Variants in BFSP2 observed in about 807,000 individuals in gnomAD.
BFSP2 encodes the protein beaded filament structural protein 2.
BFSP2 carries 38 observed loss-of-function variants against 44.9 expected under a neutral mutation model. That is an observed-to-expected ratio of 0.85 (90% CI 0.65 to 1.11). The LOEUF is 1.11. Among genes scored for constraint, BFSP2 ranks in the 50% least tolerant of loss-of-function variants. The probability of loss-of-function intolerance (pLI) is 0.00; values close to 1 mark genes in which losing one functional copy is unlikely to be tolerated. For synonymous variants in BFSP2, 197 were observed against 209.9 expected (o/e 0.94, Z 0.53); for missense variants, 525 against 533.0 (o/e 0.99, Z 0.15).
chr3:133,443,165 T>C (rs2073862267), intron 1 of BFSP2, among the ~76,000 whole-genome samples: 1 of 152,078 alleles, frequency 6.6e-6, no homozygotes, highest in Non-Finnish European at 1.5e-5. Context: ...CGGCCAAAAT[T>C]ATCTAGATTT....
rs1045324984 is a variant in BFSP2, at chr3:133,450,183, G to C, written c.730-120G>C. The C allele has an allele frequency of 7.8e-5, 88 of 1,128,658 alleles. 2 individuals are homozygous for C. Among genetic ancestry groups the C allele is most frequent in the Non-Finnish European group, 1.1e-4 (82 of 764,222 alleles). The allele number at this position is 1,128,658 out of a possible 1,614,324, so 69.9% of individuals were successfully genotyped here. On this transcript the variant is annotated intron_variant, in intron 3 of 6. Transcript: ENST00000302334. ...GACTTTCCCAGTCTCTGTGAAGCCT[G>C]TGTCTGGCAGTTGTGGAATGAGAAA...
At chr3:133,412,685 C>G (rs879568422) in intron 1 of BFSP2, 16 of 152,464 alleles carry the variant, frequency 1.0e-4, no homozygotes, top group Admixed American at 9.8e-4. Context: ...GGCCACTGCT[C>G]TGTCTCCCTC....
At chr3:133,472,804 T>A (rs2074177540) in intron 6 of BFSP2, among the ~76,000 whole-genome samples, 1 of 152,318 alleles carries the variant, frequency 6.6e-6, no homozygotes, top group South Asian at 2.1e-4. Context: ...TGTATGTATA[T>A]ATACACACAT....
chr3:133,418,183 G>T lies in BFSP2; in HGVS notation c.489+17611G>T, dbSNP rs150847775. On this transcript the variant is annotated intron_variant, in intron 1 of 6. Coordinates refer to ENST00000302334, the MANE Select transcript of BFSP2 (RefSeq NM_003571.4). The stretch of plus-strand genomic sequence containing the variant: ...TCTCCCCTCTCTTCCCACCTCCTCA[G>T]CTCCTACTGCTAGCCCTACTGCCCA... Among the ~76,000 whole-genome samples, 25 of 151,074 alleles carry T rather than the reference G, an allele frequency of 1.7e-4. No individual in the cohort carries two copies. In the East Asian group the frequency reaches 4.7e-3, roughly 28 times the overall value.
chr3:133,454,236 C>T (rs1393369872), intron 4 of BFSP2, among the ~76,000 whole-genome samples: 1 of 152,166 alleles, frequency 6.6e-6, no homozygotes, highest in Non-Finnish European at 1.5e-5. Context: ...AGGAGGATTG[C>T]TTGAGGCCAA....
At chr3:133,429,459 T>C (rs2073686931) in intron 1 of BFSP2, 1 of 152,204 alleles carries the variant, frequency 6.6e-6, no homozygotes, top group Admixed American at 6.5e-5. Context: ...CAGTCTTTGC[T>C]CTGTTAAATC....
At chr3:133,461,480 C>T (rs2074063277) in intron 4 of BFSP2, among the ~76,000 whole-genome samples, 1 of 152,128 alleles carries the variant, frequency 6.6e-6, no homozygotes, top group Admixed American at 6.6e-5. Context: ...ATCACACACC[C>T]TAACAACTGC....
At position 133,465,191 on chromosome 3, in the gene BFSP2, G is replaced by C. The variant is rs374398242; in HGVS notation, c.892-1637G>C. On this transcript the variant is annotated intron_variant, in intron 4 of 6. Coordinates refer to ENST00000302334, the MANE Select transcript of BFSP2 (RefSeq NM_003571.4). ...CTGGCTAATTTTTGTATTTTTAGTA[G>C]AGACGGGTTTTCACCATATTGGTCA... 9.2e-5 allele frequency among the ~76,000 whole-genome samples: 14 copies of C among 151,994 alleles called. No individual in the cohort carries two copies. In the East Asian group the frequency reaches 9.7e-4, roughly 11 times the overall value.
At chr3:133,445,627 A>T (rs2073890064) in intron 1 of BFSP2, 1 of 152,350 alleles carries the variant, frequency 6.6e-6, no homozygotes, top group Non-Finnish European at 1.5e-5. Flanking sequence ...TATACTGAAC[A>T]TGTGGGCTTT....
intron 1 of BFSP2, among the ~76,000 whole-genome samples, chr3:133,406,054 G>A (rs941470821): frequency 8.6e-5 from 13 of 151,710 alleles, no homozygotes; most frequent in South Asian, 2.1e-4. Context: ...GGGTTTAAGC[G>A]ATTCTCCTGC....
intron 1 of BFSP2, among the ~76,000 whole-genome samples, chr3:133,424,216 T>TGTGGGTGTGTGTGTGTGTGTGTGTGTG (rs1559963358): frequency 2.0e-5 from 1 of 49,416 alleles, no homozygotes; most frequent in Non-Finnish European, 3.5e-5. Context: ...CAGCTAATTT[T>TGTGGGTGTGTGTGTGTGTGTGTGTGTG]TTTTTTTTTT....
At chr3:133,422,255 G>T (rs187063494) in intron 1 of BFSP2, among the ~76,000 whole-genome samples, 4 of 152,260 alleles carry the variant, frequency 2.6e-5, no homozygotes, top group Admixed American at 6.5e-5. Flanking sequence ...TGTGACCTTG[G>T]ACAAGTTACT....
intron 1 of BFSP2, among the ~76,000 whole-genome samples, chr3:133,446,111 CT>C (rs986305565): frequency 6.6e-6 from 1 of 152,128 alleles, no homozygotes; most frequent in Non-Finnish European, 1.5e-5. Context: ...AAATGATTAG[CT>C]TTGCTAGTGG....
At chr3:133,420,362 G>C (rs2073581492) in intron 1 of BFSP2, among the ~76,000 whole-genome samples, 2 of 152,158 alleles carry the variant, frequency 1.3e-5, no homozygotes, top group Admixed American at 1.3e-4. Context: ...AATGAAGCAG[G>C]CATAGAGCTG....
chr3:133,412,636 G>A (rs1388471479), intron 1 of BFSP2: 1 of 152,342 alleles, frequency 6.6e-6, no homozygotes, highest in African/African-American at 2.4e-5. Flanking sequence ...GGCAGTCTGG[G>A]TGCCGGGCAG....
chr3:133,415,991 CCTCTCCCTTCT>C, intron 1 of BFSP2, among the ~76,000 whole-genome samples: 1 of 145,886 alleles, frequency 6.9e-6, no homozygotes, highest in Non-Finnish European at 1.5e-5. Flanking sequence ...TCACCCCTGC[CCTCTCCCTTCT>C]ATTCACCCCG....
At chr3:133,474,107 G>A (rs1273748697) in intron 6 of BFSP2, among the ~76,000 whole-genome samples, 2 of 152,108 alleles carry the variant, frequency 1.3e-5, no homozygotes, top group African/African-American at 2.4e-5. Flanking sequence ...AATAGATAAG[G>A]ATTCCAGAGG....
Position 133,400,118 on chromosome 3 carries a change from C to G in BFSP2, c.35C>G (p.Thr12Ser). The part of the protein sequence containing the change: ...SERRVVVDLP[T>S]SASSSMPLQR... ...AGGCGAGTGGTAGTGGACTTGCCCACCAGTGCCAGCTCCAGCATGCCCCTC... is the reference window on the plus strand; with the variant it reads ...AGGCGAGTGGTAGTGGACTTGCCCAGCAGTGCCAGCTCCAGCATGCCCCTC... Residue 12 changes from threonine (T) to serine (S), a missense_variant, in exon 1 of 7, where the codon ACC becomes AGC. Transcript: ENST00000302334. This position sits in a 1 kb window ranked among gnomAD's most constrained non-coding sequence, Gnocchi z 4.0. 1 of 1,614,176 alleles carries G rather than the reference C, an allele frequency of 6.2e-7. No homozygotes were observed. Among genetic ancestry groups the G allele is most frequent in the Non-Finnish European group, 8.5e-7 (1 of 1,180,040 alleles).
intron 1 of BFSP2, among the ~76,000 whole-genome samples, chr3:133,406,948 C>A (rs2073409775): frequency 6.6e-6 from 1 of 152,150 alleles, no homozygotes; most frequent in Non-Finnish European, 1.5e-5. Flanking sequence ...TGGGCAAATG[C>A]CTGTAATCCA....
Sources: gnomAD v4.1 joint callset for allele counts (sites outside exome capture counted in the v4.1 genomes callset) on GRCh38, gnomAD v4.1.1 for gene constraint, Gnocchi (gnomAD v3.1) non-coding constraint, MANE v1.5 for transcripts, NCBI Gene and HGNC (gene_info 2026-07-23, HGNC 2026-07-21) for gene names.